The following UBE2E2 variants were observed in gnomAD, a reference collection of about 807,000 sequenced individuals.
UBE2E2 encodes ubiquitin-conjugating enzyme E2 E2.
A neutral mutation model predicts 24.7 loss-of-function variants in UBE2E2; 6 were observed. That is an observed-to-expected ratio of 0.24 (90% CI 0.13 to 0.48). UBE2E2 has a LOEUF of 0.48. Among genes scored for constraint, UBE2E2 ranks in the 20% least tolerant of loss-of-function variants. The pLI is 0.99. For missense variants in UBE2E2, 169 were observed against 245.0 expected (o/e 0.69, Z 2.07); for synonymous variants, 104 against 83.6 (o/e 1.24, Z -1.33).
chr3:23,520,699 A>G lies in UBE2E2; in HGVS notation c.361-11855A>G, dbSNP rs140516006. On this transcript the variant is annotated intron_variant, in intron 4 of 5. Transcript: ENST00000396703. The stretch of plus-strand genomic sequence containing the variant: ...GTCTCTGTCATTCAGGCTAGAGTAT[A>G]TGGTGTAATCATAGCTCACTACAGC... Among the ~76,000 whole-genome samples, 653 of 152,318 alleles carry G rather than the reference A, an allele frequency of 4.3e-3. 5 individuals are homozygous for G. Among genetic ancestry groups the G allele is most frequent in the African/African-American group, 0.015 (623 of 41,572 alleles).
At chr3:23,345,493 T>G (rs1280124413) in intron 3 of UBE2E2, among the ~76,000 whole-genome samples, 2 of 152,204 alleles carry the variant, frequency 1.3e-5, no homozygotes, top group Non-Finnish European at 2.9e-5. Flanking sequence ...GAGCTTTGAT[T>G]GCAATAATTA....
rs557675665 is a variant in UBE2E2 at position 23,398,276 on chromosome 3, G to A, written c.228-101332G>A. ...TTCAGTGAGCTGAGATGGCACCACTGCACTCCATTCTGGACAGCAGAGCAA... is the reference window on the plus strand; with the variant it reads ...TTCAGTGAGCTGAGATGGCACCACTACACTCCATTCTGGACAGCAGAGCAA... On this transcript the variant is annotated intron_variant, in intron 3 of 5. Transcript: ENST00000396703. Among the ~76,000 whole-genome samples the A allele has an allele frequency of 5.3e-5, 7 of 132,166 alleles. No individual in the cohort carries two copies. The East Asian group carries it at 1.4e-3, about 26-fold the overall frequency. The allele number at this position is 132,166 out of a possible 152,430, so 86.7% of individuals were successfully genotyped here.
intron 3 of UBE2E2, among the ~76,000 whole-genome samples, chr3:23,355,771 C>A (rs1428713365): frequency 6.6e-6 from 1 of 152,194 alleles, no homozygotes; most frequent in African/African-American, 2.4e-5. Context: ...ACTGTCATTC[C>A]TCCTTTTTCT....
At chr3:23,509,655 G>A (rs1388816550) in intron 4 of UBE2E2, among the ~76,000 whole-genome samples, 1 of 151,700 alleles carries the variant, frequency 6.6e-6, no homozygotes, top group Non-Finnish European at 1.5e-5. Flanking sequence ...GTATACATGT[G>A]CCATGTTGGC....
chr3:23,338,987 AT>A (rs1219251593), intron 3 of UBE2E2, among the ~76,000 whole-genome samples: 1 of 152,194 alleles, frequency 6.6e-6, no homozygotes, highest in Admixed American at 6.5e-5. Flanking sequence ...ACTAAAAGAT[AT>A]TTACTATAAT....
At chr3:23,253,052 C>T (rs551685901) in intron 3 of UBE2E2, among the ~76,000 whole-genome samples, 1 of 151,992 alleles carries the variant, frequency 6.6e-6, no homozygotes, top group Non-Finnish European at 1.5e-5. Context: ...TCTTTGGAGG[C>T]ATGCAGAGAT....
At chr3:23,570,284 T>C (rs1696191250) in intron 5 of UBE2E2, among the ~76,000 whole-genome samples, 1 of 152,146 alleles carries the variant, frequency 6.6e-6, no homozygotes. Context: ...TTGCCATCCA[T>C]GCCTTCTGGG....
At chr3:23,510,493 G>A in intron 4 of UBE2E2, among the ~76,000 whole-genome samples, 1 of 152,108 alleles carries the variant, frequency 6.6e-6, no homozygotes, top group East Asian at 1.9e-4. Flanking sequence ...CGTAATCCCA[G>A]CTACTTGGAA....
chr3:23,402,307 G>A (rs907014576), intron 3 of UBE2E2, among the ~76,000 whole-genome samples: 2 of 152,200 alleles, frequency 1.3e-5, no homozygotes. Context: ...ACCAGGACAA[G>A]TTATTATCAA....
At position 23,478,040 on chromosome 3, in the gene UBE2E2, C is replaced by T. The variant is rs572056782; in HGVS notation, c.228-21568C>T. 2.0e-5 allele frequency among the ~76,000 whole-genome samples: 3 copies of T among 152,346 alleles called. No homozygotes were observed. The South Asian group carries it at 6.2e-4, about 32-fold the overall frequency. On this transcript the variant is annotated intron_variant, in intron 3 of 5. Transcript: ENST00000396703. The stretch of plus-strand genomic sequence containing the variant: ...GAACTGTGAGTCAATTAAACCTCTC[C>T]TCCATAAATTACCCAATCTTGGATA...
At chr3:23,485,948 G>C (rs1005171603) in intron 3 of UBE2E2, among the ~76,000 whole-genome samples, 1 of 152,176 alleles carries the variant, frequency 6.6e-6, no homozygotes, top group Admixed American at 6.5e-5. Context: ...TGCTTTGCCT[G>C]GTAACAACAG....
At chr3:23,418,846 C>T (rs984835291) in intron 3 of UBE2E2, among the ~76,000 whole-genome samples, 2 of 152,120 alleles carry the variant, frequency 1.3e-5, no homozygotes, top group African/African-American at 4.8e-5. Context: ...TATGCTGTTA[C>T]TTTGCAAGTG....
chr3:23,385,976 A>AT (rs750575021), intron 3 of UBE2E2, among the ~76,000 whole-genome samples: 52 of 152,212 alleles, frequency 3.4e-4, no homozygotes, highest in African/African-American at 1.2e-3. Flanking sequence ...AACAAACTAA[A>AT]TTTTTTCAAC....
At chr3:23,257,166 A>G (rs2125350751) in intron 3 of UBE2E2, among the ~76,000 whole-genome samples, 1 of 152,284 alleles carries the variant, frequency 6.6e-6, no homozygotes, top group East Asian at 1.9e-4. Flanking sequence ...GTGGGTCTTC[A>G]TCTTTCAGGA....
In UBE2E2 at chr3:23,556,454, T is replaced by TTAA. The variant is rs1553620573; in HGVS notation, c.508+23753_508+23754insTAA. 1.4e-4 allele frequency among the ~76,000 whole-genome samples: 13 copies of TTAA among 94,340 alleles called. 1 individual carries two copies. The highest frequency in any genetic ancestry group is 2.1e-4 in the Admixed American group (2 of 9,622). The allele number at this position is 94,340 out of a possible 152,430, so 61.9% of individuals were successfully genotyped here. ...CCATGCCCAGCCAATAAAATTTATT[T>TTAA]AAAAAAAAAAAAAAAAAAGCTATAC... On this transcript the variant is annotated intron_variant, in intron 5 of 5. Coordinates refer to ENST00000396703, the MANE Select transcript of UBE2E2 (RefSeq NM_152653.4).
At chr3:23,562,473 G>A (rs1695958326) in intron 5 of UBE2E2, among the ~76,000 whole-genome samples, 2 of 152,158 alleles carry the variant, frequency 1.3e-5, no homozygotes, top group South Asian at 2.1e-4. Context: ...CGGTTTGCCA[G>A]TATTTTATTG....
chr3:23,521,277 T>C (rs1694858491), intron 4 of UBE2E2, among the ~76,000 whole-genome samples: 1 of 152,182 alleles, frequency 6.6e-6, no homozygotes, highest in Non-Finnish European at 1.5e-5. Flanking sequence ...AGGAGGACAT[T>C]CTCCTTCTGT....
intron 4 of UBE2E2, among the ~76,000 whole-genome samples, chr3:23,504,341 G>T (rs1436929861): frequency 6.6e-6 from 1 of 152,108 alleles, no homozygotes; most frequent in Non-Finnish European, 1.5e-5. Flanking sequence ...CTTTCATGTG[G>T]CTGAACAATT....
intron 3 of UBE2E2, among the ~76,000 whole-genome samples, chr3:23,309,196 C>T (rs1699312144): frequency 6.6e-6 from 1 of 152,156 alleles, no homozygotes; most frequent in South Asian, 2.1e-4. Context: ...CCAGGCTGGT[C>T]TCTAACTCCA....
Sources: gnomAD v4.1 joint callset for allele counts (sites outside exome capture counted in the v4.1 genomes callset) on GRCh38, gnomAD v4.1.1 for gene constraint, MANE v1.5 for transcripts, NCBI Gene and HGNC (gene_info 2026-07-23, HGNC 2026-07-21) for gene names.